The following PIBF1 variants were observed in gnomAD, a reference collection of about 807,000 sequenced individuals.
PIBF1 encodes progesterone-induced-blocking factor 1.
A neutral mutation model predicts 112.5 loss-of-function variants in PIBF1; 90 were observed. The ratio of observed to expected loss-of-function variants is 0.80; its 90% CI spans 0.67 to 0.95. The LOEUF is 0.95. Among genes scored for constraint, PIBF1 ranks in the 40% least tolerant of loss-of-function variants. The pLI is 0.00. For synonymous variants in PIBF1, 301 were observed against 288.6 expected, an observed-to-expected ratio of 1.04 and a Z score of -0.44; for missense variants, 915 against 852.3, an observed-to-expected ratio of 1.07 and a Z score of -0.92.
chr13:72,830,291 G>C (rs925640743), intron 8 of PIBF1, among the ~76,000 whole-genome samples: 1 of 152,026 alleles, frequency 6.6e-6, no homozygotes, highest in African/African-American at 2.4e-5. Flanking sequence ...TGATTGCCCT[G>C]GCCAGAACTT....
intron 8 of PIBF1, among the ~76,000 whole-genome samples, chr13:72,828,872 A>G (rs1354755360): frequency 1.3e-5 from 2 of 152,192 alleles, no homozygotes; most frequent in African/African-American, 2.4e-5. Flanking sequence ...GTCTTCCACA[A>G]TGGTTGAACT....
chr13:72,817,139 A>G (rs1358139415), intron 5 of PIBF1, among the ~76,000 whole-genome samples: 3 of 152,192 alleles, frequency 2.0e-5, no homozygotes, highest in Admixed American at 2.0e-4. Flanking sequence ...CCTTAAGGTA[A>G]ATGTCATTAT....
At chr13:72,844,793 A>G (rs1408728582) in intron 9 of PIBF1, among the ~76,000 whole-genome samples, 13 of 132,234 alleles carry the variant, frequency 9.8e-5, no homozygotes, top group Admixed American at 8.8e-4. Context: ...ACACACACAC[A>G]CACACACGGA....
intron 14 of PIBF1, among the ~76,000 whole-genome samples, chr13:72,938,570 C>T (rs2041933161): frequency 6.6e-6 from 1 of 152,140 alleles, no homozygotes; most frequent in Non-Finnish European, 1.5e-5. Context: ...TTCCATTTTG[C>T]AGATTAACTA....
At chr13:72,822,603 A>G (rs555672943) in intron 6 of PIBF1, among the ~76,000 whole-genome samples, 1 of 152,330 alleles carries the variant, frequency 6.6e-6, no homozygotes, top group African/African-American at 2.4e-5. Context: ...CTTTAAATAT[A>G]TATGTACTGC....
intron 5 of PIBF1, among the ~76,000 whole-genome samples, chr13:72,810,840 T>C (rs1593944822): frequency 6.6e-6 from 1 of 151,934 alleles, no homozygotes; most frequent in African/African-American, 2.4e-5. Context: ...TGGTCTGAGG[T>C]GGAACTAAGA....
At chr13:72,993,897 CAG>C (rs2043560658) in intron 16 of PIBF1, among the ~76,000 whole-genome samples, 1 of 151,918 alleles carries the variant, frequency 6.6e-6, no homozygotes, top group Admixed American at 6.6e-5. Context: ...AAATAACAAA[CAG>C]AATGAGGGAG....
At chr13:72,987,231 T>TA (rs2043319127) in intron 16 of PIBF1, among the ~76,000 whole-genome samples, 1 of 151,638 alleles carries the variant, frequency 6.6e-6, no homozygotes, top group Non-Finnish European at 1.5e-5. Flanking sequence ...AGAGATTTGT[T>TA]ACACATGTCT....
chr13:72,991,053 C>T (rs546846194), intron 16 of PIBF1, among the ~76,000 whole-genome samples: 1 of 152,290 alleles, frequency 6.6e-6, no homozygotes, highest in African/African-American at 2.4e-5. Context: ...AAGCTATTTT[C>T]ATCAAGAAAT....
chr13:72,982,415 A>G (rs1262796590), intron 16 of PIBF1, among the ~76,000 whole-genome samples: 1 of 152,142 alleles, frequency 6.6e-6, no homozygotes, highest in Non-Finnish European at 1.5e-5. Flanking sequence ...CAGCCTGGGT[A>G]ACAGAGCTAG....
At chr13:72,869,103 A>G (rs2039048249) in intron 10 of PIBF1, among the ~76,000 whole-genome samples, 1 of 152,142 alleles carries the variant, frequency 6.6e-6, no homozygotes, top group South Asian at 2.1e-4. Flanking sequence ...TGACCCAGCC[A>G]TCCCATTACT....
chr13:72,966,136 G>A (rs2042732432), intron 15 of PIBF1, among the ~76,000 whole-genome samples: 2 of 152,122 alleles, frequency 1.3e-5, no homozygotes, highest in African/African-American at 4.8e-5. Context: ...AGAGAATTAA[G>A]TGGGAATAGA....
chr13:72,867,820 C>T (rs1275973881), intron 10 of PIBF1, among the ~76,000 whole-genome samples: 3 of 152,132 alleles, frequency 2.0e-5, no homozygotes, highest in African/African-American at 4.8e-5. Flanking sequence ...TATGCGTCTT[C>T]AAATAGCAAA....
At chr13:72,987,858 A>ATATTTTTTTT in intron 16 of PIBF1, among the ~76,000 whole-genome samples, 1 of 58,118 alleles carries the variant, frequency 1.7e-5, no homozygotes, top group South Asian at 8.1e-4. Context: ...TTATTTATTT[A>ATATTTTTTTT]TTTTTTTTTT....
chr13:73,016,288 T>A lies in PIBF1; in HGVS notation c.*369T>A, dbSNP rs1313233150. 2.0e-5 allele frequency: 3 copies of A among 152,720 alleles called. No individual in the cohort carries two copies. The highest frequency in any genetic ancestry group is 4.4e-5 in the Non-Finnish European group (3 of 68,448). The allele number at this position is 152,720 out of a possible 1,614,324, so 9.5% of individuals were successfully genotyped here. ...ACTTTGCATTTTTAAAAATTAAGAA[T>A]CATTTGTGAAGTCCACTACGAGGTA... On this transcript the variant is annotated 3_prime_UTR_variant, in exon 18 of 18. Coordinates refer to ENST00000326291, the MANE Select transcript of PIBF1 (RefSeq NM_006346.4).
At chr13:72,942,905 G>A (rs1338319762) in intron 14 of PIBF1, among the ~76,000 whole-genome samples, 1 of 152,128 alleles carries the variant, frequency 6.6e-6, no homozygotes, top group Non-Finnish European at 1.5e-5. Context: ...GGAGTCTGAG[G>A]CAAGAGAATT....
chr13:72,940,477 C>T (rs1203086888), intron 14 of PIBF1, among the ~76,000 whole-genome samples: 1 of 152,082 alleles, frequency 6.6e-6, no homozygotes, highest in Admixed American at 6.6e-5. Context: ...ATTATTTTGT[C>T]ATTTCATGGC....
In PIBF1 at chr13:72,973,018, A is replaced by G. The variant is rs114530078; in HGVS notation, c.1965-573A>G. The stretch of plus-strand genomic sequence containing the variant: ...TTTCTTTATCTTTTTACATTTTAGT[A>G]GTAAATAGTCATCTTTAAAACATTA... On this transcript the variant is annotated intron_variant, in intron 15 of 17. Coordinates refer to ENST00000326291, the MANE Select transcript of PIBF1 (RefSeq NM_006346.4). Among the ~76,000 whole-genome samples, 814 of 152,336 alleles carry G rather than the reference A, an allele frequency of 5.3e-3. 15 individuals carry two copies. Among genetic ancestry groups the G allele is most frequent in the African/African-American group, 0.018 (762 of 41,570 alleles).
At chr13:72,801,651 G>A (rs2035481299) in intron 5 of PIBF1, among the ~76,000 whole-genome samples, 1 of 152,164 alleles carries the variant, frequency 6.6e-6, no homozygotes, top group South Asian at 2.1e-4. Context: ...AAACTCAAGT[G>A]TTTGGGATAT....
Sources: gnomAD v4.1 joint callset for allele counts (sites outside exome capture counted in the v4.1 genomes callset) on GRCh38, gnomAD v4.1.1 for gene constraint, MANE v1.5 for transcripts, NCBI Gene and HGNC (gene_info 2026-07-23, HGNC 2026-07-21) for gene names.